The following KCNK12 variants were observed in gnomAD, a reference collection of about 807,000 sequenced individuals.
The protein encoded by KCNK12 is potassium channel subfamily K member 12.
A neutral mutation model predicts 25.3 loss-of-function variants in KCNK12; 6 were observed. The observed-to-expected ratio is 0.24, with a 90% CI of 0.13 to 0.47. The LOEUF is 0.47. Among genes scored for constraint, KCNK12 ranks in the 20% least tolerant of loss-of-function variants. The probability of loss-of-function intolerance (pLI) is 0.99; values close to 1 mark genes in which losing one functional copy is unlikely to be tolerated. For synonymous variants in KCNK12, 331 were observed against 311.1 expected (o/e 1.06, Z -0.67); for missense variants, 444 against 661.7 (o/e 0.67, Z 3.61).
intron 1 of KCNK12, among the ~76,000 whole-genome samples, chr2:47,553,754 C>G (rs1422635372): frequency 6.6e-6 from 1 of 152,148 alleles, no homozygotes; most frequent in East Asian, 1.9e-4. Flanking sequence ...CTTTCAAAGC[C>G]CTCCAATATG....
chr2:47,539,323 A>G (rs2104807713), intron 1 of KCNK12, among the ~76,000 whole-genome samples: 1 of 152,322 alleles, frequency 6.6e-6, no homozygotes. Context: ...TGTTTTGTTC[A>G]TAGTGTTTAT....
intron 1 of KCNK12, among the ~76,000 whole-genome samples, chr2:47,523,465 C>T (rs937299398): frequency 1.3e-5 from 2 of 152,252 alleles, no homozygotes; most frequent in Non-Finnish European, 2.9e-5. Flanking sequence ...GAGGTCTATA[C>T]AACTGCGTAT....
rs910080609 is a variant in KCNK12 at position 47,533,253 on chromosome 2, T to C, written c.392-11445A>G. On this transcript the variant is annotated intron_variant, in intron 1 of 1. Coordinates refer to ENST00000327876, the MANE Select transcript of KCNK12 (RefSeq NM_022055.2). This position sits in a 1 kb window ranked among gnomAD's most constrained non-coding sequence, Gnocchi z 4.7. ...CTCCAACTCCTGACCTCAGGTGATC[T>C]GCCCACCTTGGCCTCCCAAAGTGCT... Among the ~76,000 whole-genome samples the C allele has an allele frequency of 1.3e-5, 2 of 151,734 alleles. No homozygotes were observed. The highest frequency in any genetic ancestry group is 2.4e-5 in the African/African-American group (1 of 41,250).
Position 47,556,327 on chromosome 2 carries a change from C to T in KCNK12, c.391+13614G>A, listed in dbSNP as rs2104867203. Among the ~76,000 whole-genome samples, 1 of 152,304 alleles carries T rather than the reference C, an allele frequency of 6.6e-6. No individual in the cohort carries two copies. The highest frequency in any genetic ancestry group is 1.9e-4 in the East Asian group (1 of 5,192). ...TCCACTGCCACAGGAGAGAAAGCAGCTCCACATGGTGGGTGGATTTAGGGG... is the reference window on the plus strand; with the variant it reads ...TCCACTGCCACAGGAGAGAAAGCAGTTCCACATGGTGGGTGGATTTAGGGG... On this transcript the variant is annotated intron_variant, in intron 1 of 1. Transcript: ENST00000327876. The surrounding 1 kb of genome is among the most constrained non-coding windows in gnomAD (Gnocchi z 4.8).
chr2:47,531,796 A>G (rs1668935998), intron 1 of KCNK12, among the ~76,000 whole-genome samples: 1 of 152,004 alleles, frequency 6.6e-6, no homozygotes, highest in South Asian at 2.1e-4. Flanking sequence ...CCACATCCTC[A>G]CTCCTGTGAT....
chr2:47,543,148 C>T (rs922138662), intron 1 of KCNK12, among the ~76,000 whole-genome samples: 35 of 152,056 alleles, frequency 2.3e-4, no homozygotes, highest in Non-Finnish European at 4.0e-4. Context: ...GATGTATCAA[C>T]GTAGCTGTGA....
At position 47,557,687 on chromosome 2, in the gene KCNK12, C is replaced by T. The variant is rs1249534701; in HGVS notation, c.391+12254G>A. 1.3e-5 allele frequency among the ~76,000 whole-genome samples: 2 copies of T among 152,174 alleles called. No individual in the cohort carries two copies. The highest frequency in any genetic ancestry group is 6.5e-5 in the Admixed American group (1 of 15,270). Reference sequence around the variant, plus strand: ...TGTAAGGCAATTTCCGTATGTTAGGCATACAATCCAATCTCTGCTTGACTG... The same window carrying T: ...TGTAAGGCAATTTCCGTATGTTAGGTATACAATCCAATCTCTGCTTGACTG... On this transcript the variant is annotated intron_variant, in intron 1 of 1. Coordinates refer to ENST00000327876, the MANE Select transcript of KCNK12 (RefSeq NM_022055.2). This position sits in a 1 kb window ranked among gnomAD's most constrained non-coding sequence, Gnocchi z 4.9.
intron 1 of KCNK12, among the ~76,000 whole-genome samples, chr2:47,550,572 A>G (rs1442626746): frequency 2.0e-5 from 3 of 151,686 alleles, no homozygotes; most frequent in Non-Finnish European, 4.4e-5. Context: ...TAGTAGAGAC[A>G]GGGTTTCACC....
rs928676395 is a variant in KCNK12 at position 47,520,665 on chromosome 2, T to A, written c.*242A>T. On this transcript the variant is annotated 3_prime_UTR_variant, in exon 2 of 2. Coordinates refer to ENST00000327876, the MANE Select transcript of KCNK12 (RefSeq NM_022055.2). The surrounding 1 kb of genome is among the most constrained non-coding windows in gnomAD (Gnocchi z 5.0). ...CCTGGGGGGCCACGTTTTCTCTCCC[T>A]GAAGGAGAATCTGCTGGGGGCCACG... The A allele has an allele frequency of 5.4e-6, 2 of 373,674 alleles. No homozygotes were observed. The highest frequency in any genetic ancestry group is 4.2e-5 in the African/African-American group (2 of 48,036). The allele number at this position is 373,674 out of a possible 1,614,324, so 23.1% of individuals were successfully genotyped here. A position where few individuals can be genotyped will look rare whatever the true frequency, so the allele number is the denominator to read the frequency against.
Position 47,570,322 on chromosome 2 carries a change from G to A in KCNK12, c.10C>T (p.Arg4Cys). Reference sequence around the variant, plus strand: ...CGGCGGGGCGGGGGCCGGGGGCTGCGGGAGGACATGGTCCGGAGCTCAGCC... The same window carrying A: ...CGGCGGGGCGGGGGCCGGGGGCTGCAGGAGGACATGGTCCGGAGCTCAGCC... Reference protein sequence around the residue: MSSRSPRPPPRRSR... With the variant: MSSCSPRPPPRRSR... Residue 4 changes from arginine (R) to cysteine (C), a missense_variant, in exon 1 of 2, where the codon CGC (arginine) becomes TGC (cysteine). By Grantham distance (180) the Arg-to-Cys change is radical. Around this residue, in one of 8 missense-constraint regions of KCNK12, gnomAD observed 67 missense variants for 59.2 expected, o/e 1.13. Coordinates refer to ENST00000327876, the MANE Select transcript of KCNK12 (RefSeq NM_022055.2). 1 of 1,328,268 alleles carries A rather than the reference G, an allele frequency of 7.5e-7. No individual in the cohort carries two copies. The allele number at this position is 1,328,268 out of a possible 1,614,324, so 82.3% of individuals were successfully genotyped here.
At chr2:47,534,869 C>G (rs1558553299) in intron 1 of KCNK12, 2 of 199,156 alleles carry the variant, frequency 1.0e-5, no homozygotes, top group Admixed American at 6.0e-5. Flanking sequence ...CTCTATCACA[C>G]AGGAGGAGAT....
In KCNK12 at chr2:47,513,651, A is replaced by G. The variant is rs144115774; in HGVS notation, c.*7256T>C. Among the ~76,000 whole-genome samples the G allele has an allele frequency of 1.3e-5, 2 of 152,036 alleles. No homozygotes were observed. Among genetic ancestry groups the G allele is most frequent in the Non-Finnish European group, 2.9e-5 (2 of 68,008 alleles). The stretch of plus-strand genomic sequence containing the variant: ...GGAACCCCTCCCCCATGGTTATCTC[A>G]TGGGTCCCTGAAGTCCAACTTCTCC... On this transcript the variant is annotated 3_prime_UTR_variant, in exon 2 of 2. Coordinates refer to ENST00000327876, the MANE Select transcript of KCNK12 (RefSeq NM_022055.2).
In KCNK12 at chr2:47,538,912, AAAAG is replaced by A. The variant is rs1481108040; in HGVS notation, c.392-17108_392-17105del. On this transcript the variant is annotated intron_variant, in intron 1 of 1. Coordinates refer to ENST00000327876, the MANE Select transcript of KCNK12 (RefSeq NM_022055.2). This position sits in a 1 kb window ranked among gnomAD's most constrained non-coding sequence, Gnocchi z 4.5. ...ATAAACTAGTAGTTTTACAAAAAGA[AAAAG>A]AAATATAATATTCAAGTAGATTTCA... Among the ~76,000 whole-genome samples, 3 of 152,252 alleles carry A rather than the reference AAAAG, an allele frequency of 2.0e-5. No individual in the cohort carries two copies. The highest frequency in any genetic ancestry group is 1.9e-4 in the East Asian group (1 of 5,206).
intron 1 of KCNK12, among the ~76,000 whole-genome samples, chr2:47,558,344 C>A (rs139639508): frequency 6.6e-6 from 1 of 152,356 alleles, no homozygotes; most frequent in Admixed American, 6.5e-5. Flanking sequence ...TGCAGTCCCA[C>A]TTCTGCACTG....
Position 47,569,992 on chromosome 2 carries a change from A to T in KCNK12, c.340T>A (p.Trp114Arg). 7.0e-7 allele frequency: 1 copy of T among 1,433,700 alleles called. No homozygotes were observed. Among genetic ancestry groups the T allele is most frequent in the Non-Finnish European group, 9.1e-7 (1 of 1,094,444 alleles). 88.8% of individuals were successfully genotyped at this position (1,433,700 alleles called of 1,614,324 possible). A position where few individuals can be genotyped will look rare whatever the true frequency, so the allele number is the denominator to read the frequency against. ...GVRADALRPRWDFPGAFYFVG... is the reference protein window; with the variant it reads ...GVRADALRPRRDFPGAFYFVG... ...AAGTAGAAGGCGCCGGGGAAGTCCC[A>T]GCGCGGGCGCAGCGCGTCGGCGCGG... is the stretch of plus-strand genomic sequence containing the variant. The change falls in exon 1 of 2, where the codon TGG becomes AGG. Residue 114 changes from tryptophan to arginine, a missense_variant. Trp to Arg is a moderately radical substitution (Grantham distance 101). Around this residue, in one of 8 missense-constraint regions of KCNK12, gnomAD observed 106 missense variants for 142.2 expected, o/e 0.75. Transcript: ENST00000327876. The surrounding 1 kb of genome is among the most constrained non-coding windows in gnomAD (Gnocchi z 4.1).
intron 1 of KCNK12, among the ~76,000 whole-genome samples, chr2:47,546,565 G>A (rs1669319523): frequency 6.6e-6 from 1 of 152,190 alleles, no homozygotes; most frequent in African/African-American, 2.4e-5. Context: ...GCTGAGGTGG[G>A]AGGATCTTTT....
rs965255339 is a variant in KCNK12, at chr2:47,517,877, C to T, written c.*3030G>A. ...GAGGGCCTCTTGGAGTTCATTCAAA[C>T]TTTAAGGGAGCCCCACAGCACCGGC... On this transcript the variant is annotated 3_prime_UTR_variant, in exon 2 of 2. Coordinates refer to ENST00000327876, the MANE Select transcript of KCNK12 (RefSeq NM_022055.2). This position sits in a 1 kb window ranked among gnomAD's most constrained non-coding sequence, Gnocchi z 4.1. The T allele has an allele frequency of 6.6e-6, 1 of 152,170 alleles. No homozygotes were observed. The highest frequency in any genetic ancestry group is 1.5e-5 in the Non-Finnish European group (1 of 68,054). 9.4% of individuals were successfully genotyped at this position (152,170 alleles called of 1,614,324 possible). A position where few individuals can be genotyped will look rare whatever the true frequency, so the allele number is the denominator to read the frequency against.
chr2:47,522,753 T>A (rs1023981988), intron 1 of KCNK12, among the ~76,000 whole-genome samples: 2 of 152,246 alleles, frequency 1.3e-5, no homozygotes, highest in African/African-American at 4.8e-5. Context: ...GTCACTTCCC[T>A]AGTTCTTACA....
In KCNK12 at chr2:47,570,276, C is replaced by G; in HGVS notation, c.56G>C (p.Arg19Pro). 1 of 1,401,926 alleles carries G rather than the reference C, an allele frequency of 7.1e-7. No homozygotes were observed. The highest frequency in any genetic ancestry group is 9.3e-7 in the Non-Finnish European group (1 of 1,079,476). 86.8% of individuals were successfully genotyped at this position (1,401,926 alleles called of 1,614,324 possible). Residue 19 changes from arginine (R) to proline (P), a missense_variant, in exon 1 of 2, where the codon CGC becomes CCC. Physicochemically the swap from Arg to Pro is moderately radical, Grantham distance 103. Coordinates refer to ENST00000327876, the MANE Select transcript of KCNK12 (RefSeq NM_022055.2). ...GCAGCAGCAGCAGCAGCAGGAGGGG[C>G]GCGGCAGGCGGCGGCGGCTACGGCG... The part of the protein sequence containing the change: ...PPRRSRRRLP[R>P]PSCCCCCCRR...
Sources: gnomAD v4.1 joint callset for allele counts (sites outside exome capture counted in the v4.1 genomes callset) on GRCh38, gnomAD v4.1.1 for gene constraint, gnomAD v4.1.1 regional missense constraint, Gnocchi (gnomAD v3.1) non-coding constraint, MANE v1.5 for transcripts, NCBI Gene and HGNC (gene_info 2026-07-23, HGNC 2026-07-21) for gene names.